Variants in MYO3B observed in about 807,000 individuals in gnomAD.
MYO3B encodes the protein myosin IIIB.
Under a neutral mutation model 174.6 loss-of-function variants are expected in MYO3B, and 156 were observed. The ratio of observed to expected loss-of-function variants is 0.89; its 90% CI spans 0.78 to 1.02. The LOEUF is 1.02. MYO3B is among the 50% of genes least tolerant of loss of function. The pLI is 0.00. For missense variants in MYO3B, 1,632 were observed against 1,639.4 expected, an observed-to-expected ratio of 1.00 and a Z score of 0.08; for synonymous variants, 563 against 569.1, an observed-to-expected ratio of 0.99 and a Z score of 0.15.
At chr2:170,213,140 T>A (rs570214791) in intron 3 of MYO3B, among the ~76,000 whole-genome samples, 1 of 152,284 alleles carries the variant, frequency 6.6e-6, no homozygotes, top group South Asian at 2.1e-4. Flanking sequence ...GTAAGAGTCA[T>A]CTTTGGAAAT....
intron 7 of MYO3B, among the ~76,000 whole-genome samples, chr2:170,240,838 A>T (rs2093123251): frequency 6.6e-6 from 1 of 152,202 alleles, no homozygotes; most frequent in Non-Finnish European, 1.5e-5. Context: ...TCATTGATTT[A>T]TGACCCGCAA....
At chr2:170,484,136 A>G (rs573554325) in intron 25 of MYO3B, among the ~76,000 whole-genome samples, 6 of 152,354 alleles carry the variant, frequency 3.9e-5, no homozygotes, top group African/African-American at 1.4e-4. Flanking sequence ...ATGGACATTT[A>G]TTGAGAACCT....
chr2:170,232,000 C>A (rs951391176), intron 6 of MYO3B, among the ~76,000 whole-genome samples: 2 of 152,190 alleles, frequency 1.3e-5, no homozygotes, highest in Non-Finnish European at 2.9e-5. Flanking sequence ...CCTTTGTCAA[C>A]ACCGTCTCAT....
At chr2:170,565,346 T>G (rs1206713427) in intron 32 of MYO3B, among the ~76,000 whole-genome samples, 2 of 152,232 alleles carry the variant, frequency 1.3e-5, no homozygotes, top group African/African-American at 2.4e-5. Context: ...AATATTTTTG[T>G]GAAGTTTGTA....
Position 170,193,337 on chromosome 2 carries a change from T to G in MYO3B, c.3-5871T>G, listed in dbSNP as rs544970354. On this transcript the variant is annotated intron_variant, in intron 1 of 34. Transcript: ENST00000408978. ...TTGATAGTTTTTAACTTTACTCTTTTCTGATATTAATATTATGATTCTTTT... is the reference window on the plus strand; with the variant it reads ...TTGATAGTTTTTAACTTTACTCTTTGCTGATATTAATATTATGATTCTTTT... Among the ~76,000 whole-genome samples the G allele has an allele frequency of 1.8e-4, 27 of 152,198 alleles. 1 individual carries two copies. The South Asian group carries it at 5.4e-3, about 30-fold the overall frequency.
At chr2:170,580,718 A>ATATATGTGTG (rs768974458) in intron 32 of MYO3B, among the ~76,000 whole-genome samples, 196 of 142,774 alleles carry the variant, frequency 1.4e-3, no homozygotes, top group Non-Finnish European at 1.9e-3. Flanking sequence ...AACCTTATAT[A>ATATATGTGTG]TGTGTGTGTG....
chr2:170,463,518 A>G, intron 24 of MYO3B, 73 bp downstream of exon 24: 1 of 1,302,232 alleles, frequency 7.7e-7, no homozygotes, highest in African/African-American at 1.5e-5. Flanking sequence ...TGAGATGCCC[A>G]GATGGAGTCA....
chr2:170,461,809 C>T (rs1454262523), intron 23 of MYO3B, among the ~76,000 whole-genome samples: 2 of 151,754 alleles, frequency 1.3e-5, no homozygotes, highest in East Asian at 1.9e-4. Context: ...TGGAGAAATT[C>T]CCAAAGTTGT....
intron 23 of MYO3B, among the ~76,000 whole-genome samples, chr2:170,445,581 T>G (rs1172626800): frequency 6.6e-6 from 1 of 152,006 alleles, no homozygotes; most frequent in African/African-American, 2.4e-5. Context: ...CCTCAGGTGA[T>G]CCGCCCACCT....
chr2:170,412,156 G>C (rs10211281), intron 22 of MYO3B: 104,421 of 152,146 alleles, frequency 0.69, 36,269 homozygotes, highest in Middle Eastern at 0.82. Flanking sequence ...TTATAACATG[G>C]TTTCAAGGCA....
intron 32 of MYO3B, among the ~76,000 whole-genome samples, chr2:170,604,151 A>T (rs999020951): frequency 6.6e-6 from 1 of 152,234 alleles, no homozygotes; most frequent in Non-Finnish European, 1.5e-5. Flanking sequence ...CTCAGAACAT[A>T]TCCTTGTTGT....
intron 23 of MYO3B, among the ~76,000 whole-genome samples, chr2:170,453,467 AG>A (rs1483043771): frequency 1.4e-5 from 2 of 147,536 alleles, no homozygotes; most frequent in East Asian, 4.0e-4. Context: ...AGAGAGAGAG[AG>A]AAAGAGAGAG....
chr2:170,231,300 G>A (rs1292640631), intron 6 of MYO3B, among the ~76,000 whole-genome samples: 1 of 152,188 alleles, frequency 6.6e-6, no homozygotes, highest in Non-Finnish European at 1.5e-5. Flanking sequence ...ATAATGACTA[G>A]CCTTTGCTCC....
chr2:170,470,051 G>A (rs1262775404), intron 25 of MYO3B, among the ~76,000 whole-genome samples: 5 of 134,152 alleles, frequency 3.7e-5, no homozygotes, highest in African/African-American at 8.5e-5. Context: ...GTAGTGAGCC[G>A]AGATCGTGCC....
At chr2:170,614,765 C>T (rs909080837) in intron 32 of MYO3B, among the ~76,000 whole-genome samples, 1 of 152,184 alleles carries the variant, frequency 6.6e-6, no homozygotes, top group Non-Finnish European at 1.5e-5. Context: ...AAGGCCACAA[C>T]TCCCCTCAGT....
At chr2:170,486,740 A>G (rs1158990916) in intron 25 of MYO3B, among the ~76,000 whole-genome samples, 2 of 152,204 alleles carry the variant, frequency 1.3e-5, no homozygotes, top group Admixed American at 6.5e-5. Context: ...CGTCCCATTG[A>G]ATAGATTCAG....
chr2:170,296,458 A>T (rs58384662), intron 7 of MYO3B, among the ~76,000 whole-genome samples: 7,395 of 152,286 alleles, frequency 0.049, 593 homozygotes, highest in African/African-American at 0.16. Flanking sequence ...AATTATTTAG[A>T]CGTCTCCATG....
chr2:170,314,168 G>A (rs1381511104), intron 7 of MYO3B, among the ~76,000 whole-genome samples: 2 of 152,164 alleles, frequency 1.3e-5, no homozygotes, highest in Non-Finnish European at 2.9e-5. Flanking sequence ...AATTGATACT[G>A]TGGCCAAATT....
chr2:170,314,963 A>C (rs2093764683), intron 7 of MYO3B, among the ~76,000 whole-genome samples: 1 of 152,248 alleles, frequency 6.6e-6, no homozygotes. Context: ...ATTTGGCAAC[A>C]GTCATTCTTG....
Sources: gnomAD v4.1 joint callset for allele counts (sites outside exome capture counted in the v4.1 genomes callset) on GRCh38, gnomAD v4.1.1 for gene constraint, MANE v1.5 for transcripts, NCBI Gene and HGNC (gene_info 2026-07-23, HGNC 2026-07-21) for gene names.